The following SLC12A3 variants were observed in gnomAD, a reference collection of about 807,000 sequenced individuals.
SLC12A3 encodes the protein Na-Cl cotransporter.
A neutral mutation model predicts 121.0 loss-of-function variants in SLC12A3; 104 were observed. The observed-to-expected ratio is 0.86, with a 90% CI of 0.73 to 1.01. The LOEUF (loss-of-function observed/expected upper bound fraction) is 1.01, where lower values mean the gene tolerates loss of function less well. SLC12A3 is among the 50% of genes least tolerant of loss of function. The probability of loss-of-function intolerance (pLI) is 0.00; values close to 1 mark genes in which losing one functional copy is unlikely to be tolerated. For missense variants in SLC12A3, 1,328 were observed against 1,356.3 expected, an observed-to-expected ratio of 0.98 and a Z score of 0.33; for synonymous variants, 536 against 533.4, an observed-to-expected ratio of 1.00 and a Z score of -0.07.
intron 24 of SLC12A3, 23 bp downstream of exon 24, chr16:56,902,531 G>GGGTCCC: frequency 1.4e-6 from 1 of 714,568 alleles, no homozygotes; most frequent in Non-Finnish European, 2.4e-6. Flanking sequence ...GTGGGGGTGG[G>GGGTCCC]AAACGCGACA....
At chr16:56,909,322 A>G (rs1212940316) in intron 25 of SLC12A3, among the ~76,000 whole-genome samples, 51 of 151,780 alleles carry the variant, frequency 3.4e-4, no homozygotes, top group Non-Finnish European at 6.6e-4. Flanking sequence ...AAAGCAAAAA[A>G]AAAAAAAGAA....
At chr16:56,908,606 C>T (rs1261678189) in intron 25 of SLC12A3, among the ~76,000 whole-genome samples, 1 of 152,188 alleles carries the variant, frequency 6.6e-6, no homozygotes, top group African/African-American at 2.4e-5. Context: ...GAGCAGAAGG[C>T]CCCGTGTGAC....
At chr16:56,869,573 G>T (rs746321496) in intron 3 of SLC12A3, among the ~76,000 whole-genome samples, 156 bp from the exon 4 acceptor site, 1 of 152,092 alleles carries the variant, frequency 6.6e-6, no homozygotes, top group Non-Finnish European at 1.5e-5. Flanking sequence ...TGATCTGCCC[G>T]CCTCGGCCTC....
intron 25 of SLC12A3, among the ~76,000 whole-genome samples, chr16:56,907,791 G>A (rs2055626870): frequency 6.6e-6 from 1 of 152,078 alleles, no homozygotes; most frequent in African/African-American, 2.4e-5. Flanking sequence ...ATCTCCCAAA[G>A]GCCCCACCTC....
chr16:56,878,616 C>G (rs1012169567), intron 9 of SLC12A3, among the ~76,000 whole-genome samples: 4 of 152,146 alleles, frequency 2.6e-5, no homozygotes, highest in Non-Finnish European at 5.9e-5. Context: ...CCCAGGGTCA[C>G]ACAGCCACTG....
Position 56,865,286 on chromosome 16 carries a change from C to T in SLC12A3, c.51C>T (p.Ser17=), listed in dbSNP as rs369795019. The T allele has an allele frequency of 2.0e-5, 33 of 1,613,924 alleles. No homozygotes were observed. The highest frequency in any genetic ancestry group is 2.7e-5 in the African/African-American group (2 of 75,050). ...CGCCTGGGGACGCCACTTTGTGCAG[C>T]GGGCGCTTCACCATCAGCACACTGC... ...TETPGDATLC[S]GRFTISTLLS... The change falls in exon 1 of 26, where the codon AGC becomes AGT. Residue 17 remains serine, a synonymous_variant. Coordinates refer to ENST00000563236, the MANE Select transcript of SLC12A3 (RefSeq NM_001126108.2).
rs2055284826 is a variant in SLC12A3 at position 56,884,476 on chromosome 16, C to T, written c.1825+272C>T. ...ACCCTGAGTGAGCTTCCAGGGCCTG[C>T]TTCAGCCTCTTCCCTAGGGCTGTCC... is the stretch of plus-strand genomic sequence containing the variant. On this transcript the variant is annotated intron_variant, in intron 14 of 25. Transcript: ENST00000563236. Among the ~76,000 whole-genome samples the T allele has an allele frequency of 2.6e-5, 4 of 152,232 alleles. No individual in the cohort carries two copies. The South Asian group carries it at 8.3e-4, about 31-fold the overall frequency.
Position 56,893,146 on chromosome 16 carries a change from G to A in SLC12A3, c.2521+92G>A. 1.0e-5 allele frequency: 11 copies of A among 1,051,664 alleles called. No individual in the cohort carries two copies. The South Asian group carries it at 1.5e-4, about 14-fold the overall frequency. 65.1% of individuals were successfully genotyped at this position (1,051,664 alleles called of 1,614,324 possible). On this transcript the variant is annotated intron_variant, in intron 21 of 25. Transcript: ENST00000563236. ...TCTCCTTCCTGGCCTGCTCTCAAAG[G>A]GGACAGGGGCTCCTGGGCCCAGCAG...
Position 56,884,144 on chromosome 16 carries a change from G to C in SLC12A3, c.1765G>C (p.Ala589Pro). 2 of 1,614,198 alleles carry C rather than the reference G, an allele frequency of 1.2e-6. No individual in the cohort carries two copies. Among genetic ancestry groups the C allele is most frequent in the South Asian group, 2.2e-5 (2 of 91,088 alleles). ...VIMFLLTWWA[A>P]LIAIGVVLFL... ...CATGTTCCTCCTCACCTGGTGGGCG[G>C]CCCTCATCGCCATTGGCGTGGTGCT... The change falls in exon 14 of 26, where the codon GCC (alanine) becomes CCC (proline). Residue 589 changes from alanine to proline, a missense_variant. By Grantham distance (27) the Ala-to-Pro change is conservative. Coordinates refer to ENST00000563236, the MANE Select transcript of SLC12A3 (RefSeq NM_001126108.2).
chr16:56,867,022 C>T lies in SLC12A3; in HGVS notation c.283-48C>T, dbSNP rs570332305. On this transcript the variant is annotated intron_variant, in intron 1 of 25. Transcript: ENST00000563236. ...GTCAGTGGGCTGGATGCAGAGACGCCGTCCCTAGCACCCCTACCTGCCTGA... is the reference window on the plus strand; with the variant it reads ...GTCAGTGGGCTGGATGCAGAGACGCTGTCCCTAGCACCCCTACCTGCCTGA... 177 of 1,602,410 alleles carry T rather than the reference C, an allele frequency of 1.1e-4. 1 individual carries two copies. Among genetic ancestry groups the T allele is most frequent in the Non-Finnish European group, 1.4e-4 (168 of 1,179,584 alleles).
At chr16:56,879,394 G>A (rs1218011868) in intron 10 of SLC12A3, 148 bp from the exon 11 acceptor site, 3 of 1,053,950 alleles carry the variant, frequency 2.8e-6, no homozygotes, top group Non-Finnish European at 4.3e-6. Flanking sequence ...CGACTTGTGG[G>A]TGGACACTGG....
chr16:56,878,051 C>CCTCT (rs1555500202), intron 8 of SLC12A3, 26 bp from the exon 9 acceptor site: 6 of 771,600 alleles, frequency 7.8e-6, no homozygotes, highest in African/African-American at 1.7e-5. Flanking sequence ...TCCCTCCCTC[C>CCTCT]CTCCCTCTCT....
chr16:56,882,048 CAAAAAAA>C (rs34001750), intron 12 of SLC12A3, among the ~76,000 whole-genome samples: 1 of 127,236 alleles, frequency 7.9e-6, no homozygotes, highest in African/African-American at 2.8e-5. Flanking sequence ...GAGTCCGTCT[CAAAAAAA>C]AAAAAAAAGA....
chr16:56,910,588 C>T (rs2055672540), intron 25 of SLC12A3, among the ~76,000 whole-genome samples: 1 of 152,318 alleles, frequency 6.6e-6, no homozygotes, highest in Non-Finnish European at 1.5e-5. Context: ...AATCCACCTG[C>T]CTTGGCCTCC....
chr16:56,888,675 CA>C (rs1368619073), intron 18 of SLC12A3, among the ~76,000 whole-genome samples: 1 of 148,772 alleles, frequency 6.7e-6, no homozygotes, highest in Non-Finnish European at 1.5e-5. Context: ...TCTCCTGCCT[CA>C]GCCTCTTGAG....
At chr16:56,881,413 T>C (rs2055238018) in intron 12 of SLC12A3, among the ~76,000 whole-genome samples, 1 of 151,524 alleles carries the variant, frequency 6.6e-6, no homozygotes, top group South Asian at 2.1e-4. Flanking sequence ...CCCTGCAATG[T>C]ACCCTGATGC....
intron 23 of SLC12A3, among the ~76,000 whole-genome samples, chr16:56,900,353 A>G (rs1464897567): frequency 6.6e-6 from 1 of 152,060 alleles, no homozygotes; most frequent in Admixed American, 6.6e-5. Context: ...GGCAGTTGCA[A>G]TGCTGCAGAG....
intron 15 of SLC12A3, among the ~76,000 whole-genome samples, chr16:56,885,693 C>T (rs1376839431): frequency 6.6e-6 from 1 of 152,168 alleles, no homozygotes; most frequent in African/African-American, 2.4e-5. Context: ...GGGTACCCTT[C>T]AAAGCTCATT....
At chr16:56,902,531 G>GGGGGTGCC in intron 24 of SLC12A3, 23 bp downstream of exon 24, 7 of 714,558 alleles carry the variant, frequency 9.8e-6, no homozygotes, top group East Asian at 4.1e-5. Context: ...GTGGGGGTGG[G>GGGGGTGCC]AAACGCGACA....
Sources: allele counts gnomAD v4.1 joint callset (sites outside exome capture counted in the v4.1 genomes callset), GRCh38; gene constraint gnomAD v4.1.1; transcripts MANE v1.5; gene names NCBI Gene and HGNC (gene_info 2026-07-23, HGNC 2026-07-21).